Variants in MTUS2 observed in about 807,000 individuals in gnomAD.
MTUS2 encodes microtubule associated scaffold protein 2, also known as microtubule-associated tumor suppressor candidate 2.
In MTUS2, 40 loss-of-function variants were observed where a neutral mutation model predicts 114.1. That is an observed-to-expected ratio of 0.35 (90% CI 0.27 to 0.46). MTUS2 has a LOEUF of 0.46. Ranked by LOEUF, MTUS2 falls within the 20% of genes least tolerant of loss-of-function variation. The pLI is 1.00. For synonymous variants in MTUS2, 688 were observed against 672.0 expected, an observed-to-expected ratio of 1.02 and a Z score of -0.37; for missense variants, 1,679 against 1,705.4, an observed-to-expected ratio of 0.98 and a Z score of 0.27.
intron 5 of MTUS2, among the ~76,000 whole-genome samples, chr13:29,180,222 G>A (rs1039112696): frequency 1.3e-5 from 2 of 152,208 alleles, no homozygotes; most frequent in African/African-American, 4.8e-5. Flanking sequence ...TGTCATGGCT[G>A]ATTGATCTCT....
rs766097222 is a variant in MTUS2 at position 29,281,825 on chromosome 13, G to A, written c.2766G>A (p.Arg922=). 14 of 1,608,198 alleles carry A rather than the reference G, an allele frequency of 8.7e-6. No individual in the cohort carries two copies. In the South Asian group the frequency reaches 1.3e-4, roughly 15 times the overall value. The change falls in exon 6 of 16, where the codon AGG becomes AGA. Residue 922 remains arginine, a synonymous_variant. Coordinates refer to ENST00000612955, the MANE Select transcript of MTUS2 (RefSeq NM_001033602.4). ...CCTCCAGTGTGACAGCACCCCGCAGGAGTTTACTTCCAGCGCCAAAATCCA... is the reference window on the plus strand; with the variant it reads ...CCTCCAGTGTGACAGCACCCCGCAGAAGTTTACTTCCAGCGCCAAAATCCA... ...PASSSVTAPR[R]SLLPAPKSTS...
At chr13:28,889,940 A>C (rs1329797331) in intron 2 of MTUS2, among the ~76,000 whole-genome samples, 2 of 152,176 alleles carry the variant, frequency 1.3e-5, no homozygotes. Flanking sequence ...GGGGTGCCCC[A>C]GTGATACTCG....
intron 7 of MTUS2, among the ~76,000 whole-genome samples, chr13:29,338,300 T>A (rs1314741500): frequency 6.6e-5 from 10 of 152,062 alleles, no homozygotes; most frequent in South Asian, 6.2e-4. Flanking sequence ...CTAAAAAATA[T>A]TTGCAGCCAG....
At position 29,128,822 on chromosome 13, in the gene MTUS2, G is replaced by T. The variant is rs537913552; in HGVS notation, c.2644+27852G>T. Among the ~76,000 whole-genome samples the T allele has an allele frequency of 2.6e-5, 4 of 152,160 alleles. No homozygotes were observed. The East Asian group carries it at 7.7e-4, about 29-fold the overall frequency. On this transcript the variant is annotated intron_variant, in intron 5 of 15. Coordinates refer to ENST00000612955, the MANE Select transcript of MTUS2 (RefSeq NM_001033602.4). ...CTACTTTCAGTTTTGATCCATGTCTGGGTGTTTTGATCAATGCCTGGGTGT... is the reference window on the plus strand; with the variant it reads ...CTACTTTCAGTTTTGATCCATGTCTTGGTGTTTTGATCAATGCCTGGGTGT...
chr13:29,142,208 C>A (rs1015020423), intron 5 of MTUS2, among the ~76,000 whole-genome samples: 2 of 151,810 alleles, frequency 1.3e-5, no homozygotes, highest in Non-Finnish European at 2.9e-5. Flanking sequence ...TTTACATACA[C>A]CGATAAATTG....
chr13:29,345,762 TTCTTTC>T (rs2138145407), intron 7 of MTUS2, among the ~76,000 whole-genome samples: 1 of 152,212 alleles, frequency 6.6e-6, no homozygotes, highest in East Asian at 2.0e-4. Context: ...GTTTTTCTGG[TTCTTTC>T]TCATTTGGGT....
At chr13:29,452,808 C>T (rs1878817470) in intron 9 of MTUS2, among the ~76,000 whole-genome samples, 1 of 152,006 alleles carries the variant, frequency 6.6e-6, no homozygotes, top group African/African-American at 2.4e-5. Context: ...GCTAGAATAG[C>T]TCCAATACCA....
Position 29,389,419 on chromosome 13 carries a change from G to A in MTUS2, c.3117+29946G>A, listed in dbSNP as rs896121050. On this transcript the variant is annotated intron_variant, in intron 8 of 15. Transcript: ENST00000612955. The stretch of plus-strand genomic sequence containing the variant: ...TGTATATATGTATACACGTGTGTGT[G>A]TATGTATACACGTGTGTGTATGTGT... 5.6e-4 allele frequency among the ~76,000 whole-genome samples: 60 copies of A among 106,876 alleles called. 6 individuals are homozygous for A. Among genetic ancestry groups the A allele is most frequent in the African/African-American group, 1.3e-3 (29 of 21,780 alleles). The allele number at this position is 106,876 out of a possible 152,430, so 70.1% of individuals were successfully genotyped here. A position where few individuals can be genotyped will look rare whatever the true frequency, so the allele number is the denominator to read the frequency against.
At chr13:29,159,609 A>G (rs562406683) in intron 5 of MTUS2, among the ~76,000 whole-genome samples, 25 of 152,268 alleles carry the variant, frequency 1.6e-4, no homozygotes, top group African/African-American at 5.5e-4. Context: ...CATATCTGAC[A>G]AAGGACTAAT....
At chr13:29,309,825 A>G (rs958747675) in intron 6 of MTUS2, among the ~76,000 whole-genome samples, 3 of 152,104 alleles carry the variant, frequency 2.0e-5, no homozygotes, top group African/African-American at 4.8e-5. Context: ...GGTACATGCC[A>G]TGTTTTGATA....
intron 2 of MTUS2, among the ~76,000 whole-genome samples, chr13:29,023,737 T>TA (rs1486311377): frequency 6.6e-6 from 1 of 152,234 alleles, no homozygotes; most frequent in Non-Finnish European, 1.5e-5. Context: ...TGGGACCAGT[T>TA]AGGCCAGTTA....
intron 7 of MTUS2, among the ~76,000 whole-genome samples, chr13:29,355,921 G>T (rs1869699329): frequency 6.6e-6 from 1 of 152,140 alleles, no homozygotes; most frequent in African/African-American, 2.4e-5. Context: ...TGTGTTGAAG[G>T]CCTCTATTCA....
In MTUS2 at chr13:29,497,231, C is replaced by T; in HGVS notation, c.3580-7C>T. ...CCCAGCTGGACTCCTTGTATCATTA[C>T]TTGCAGGACCAGGTGGACACGCTGA... is the stretch of plus-strand genomic sequence containing the variant. On this transcript the variant is annotated splice_region_variant and splice_polypyrimidine_tract_variant and intron_variant, in intron 12 of 15. Transcript: ENST00000612955. 1.9e-6 allele frequency: 3 copies of T among 1,611,842 alleles called. No homozygotes were observed. Among genetic ancestry groups the T allele is most frequent in the Middle Eastern group, 2.2e-4 (1 of 4,580 alleles).
At chr13:28,876,149 A>G (rs1437172448) in intron 2 of MTUS2, among the ~76,000 whole-genome samples, 2 of 152,152 alleles carry the variant, frequency 1.3e-5, no homozygotes, top group African/African-American at 4.8e-5. Context: ...TCAGTGCACA[A>G]TTTCCTTATG....
chr13:28,862,608 C>T (rs1877062291), intron 2 of MTUS2, among the ~76,000 whole-genome samples: 2 of 152,184 alleles, frequency 1.3e-5, no homozygotes, highest in African/African-American at 4.8e-5. Flanking sequence ...GAGCAAGACT[C>T]CCACTCAAAA....
At chr13:28,827,679 A>G (rs916160779) in intron 1 of MTUS2, among the ~76,000 whole-genome samples, 2 of 152,190 alleles carry the variant, frequency 1.3e-5, no homozygotes, top group African/African-American at 4.8e-5. Context: ...GGGAAATAGT[A>G]CAAAAGAGAG....
At chr13:29,020,074 C>G in intron 2 of MTUS2, among the ~76,000 whole-genome samples, 1 of 152,076 alleles carries the variant, frequency 6.6e-6, no homozygotes, top group East Asian at 1.9e-4. Flanking sequence ...GTTTTCTGGC[C>G]CTAGAACCAG....
intron 2 of MTUS2, among the ~76,000 whole-genome samples, chr13:28,873,867 T>C (rs1268431367): frequency 6.6e-6 from 1 of 152,244 alleles, no homozygotes; most frequent in Non-Finnish European, 1.5e-5. Context: ...AATTACTCTT[T>C]TATAATCCTG....
chr13:29,080,554 G>A (rs1467990803), intron 4 of MTUS2, among the ~76,000 whole-genome samples: 2 of 152,280 alleles, frequency 1.3e-5, no homozygotes, highest in East Asian at 1.9e-4. Flanking sequence ...TCTGATGTTC[G>A]AGGGCAGGAA....
Sources: allele counts gnomAD v4.1 joint callset (sites outside exome capture counted in the v4.1 genomes callset), GRCh38; gene constraint gnomAD v4.1.1; transcripts MANE v1.5; gene names NCBI Gene and HGNC (gene_info 2026-07-23, HGNC 2026-07-21).